Variants in NDST4 observed in about 807,000 individuals in gnomAD.
NDST4 encodes N-heparan sulfate sulfotransferase 4.
Under a neutral mutation model 100.8 loss-of-function variants are expected in NDST4, and 63 were observed. The observed-to-expected ratio is 0.62, with a 90% CI of 0.51 to 0.77. NDST4 has a LOEUF of 0.77. NDST4 is among the 30% of genes least tolerant of loss of function. The pLI is 0.00. For missense variants in NDST4, 943 were observed against 1,018.4 expected, an observed-to-expected ratio of 0.93 and a Z score of 1.01; for synonymous variants, 377 against 361.8, an observed-to-expected ratio of 1.04 and a Z score of -0.48.
chr4:115,113,413 C>T (rs947081172), intron 1 of NDST4, 31 bp downstream of exon 1: 1 of 151,958 alleles, frequency 6.6e-6, no homozygotes, highest in Non-Finnish European at 1.5e-5. Flanking sequence ...TGATACACAC[C>T]TCGATTTCAG....
intron 6 of NDST4, among the ~76,000 whole-genome samples, chr4:114,923,521 A>AC (rs2126219993): frequency 6.6e-6 from 1 of 152,268 alleles, no homozygotes; most frequent in East Asian, 1.9e-4. Flanking sequence ...GAAAGAACAA[A>AC]CCAAAAAAGC....
rs182922964 is a variant in NDST4, at chr4:115,004,267, G to T, written c.979-26993C>A. Among the ~76,000 whole-genome samples the T allele has an allele frequency of 3.4e-3, 516 of 152,246 alleles. 3 individuals are homozygous for T. Among genetic ancestry groups the T allele is most frequent in the Non-Finnish European group, 4.0e-3 (274 of 68,008 alleles). On this transcript the variant is annotated intron_variant, in intron 2 of 13. Transcript: ENST00000264363. ...AATTAATTAGAAGTTTTTTTAGCCTGACAACACTTAATTATTAACACTTAC... is the reference window on the plus strand; with the variant it reads ...AATTAATTAGAAGTTTTTTTAGCCTTACAACACTTAATTATTAACACTTAC...
chr4:114,859,351 T>A (rs530133002), intron 7 of NDST4, among the ~76,000 whole-genome samples: 1 of 152,304 alleles, frequency 6.6e-6, no homozygotes, highest in Non-Finnish European at 1.5e-5. Context: ...GATTTCACCT[T>A]TGGGACCAAA....
intron 11 of NDST4, among the ~76,000 whole-genome samples, chr4:114,837,994 C>G (rs1045086681): frequency 5.9e-5 from 9 of 152,146 alleles, no homozygotes; most frequent in African/African-American, 2.2e-4. Flanking sequence ...ACAACCTCAT[C>G]AAGAAGTAGG....
chr4:115,071,894 A>G (rs1341828169), intron 2 of NDST4, among the ~76,000 whole-genome samples: 1 of 152,194 alleles, frequency 6.6e-6, no homozygotes, highest in Non-Finnish European at 1.5e-5. Flanking sequence ...TAAGTAACAT[A>G]GTAGATAAAT....
chr4:114,931,620 G>A (rs545214978), intron 6 of NDST4, among the ~76,000 whole-genome samples: 4 of 151,698 alleles, frequency 2.6e-5, no homozygotes, highest in Admixed American at 1.3e-4. Context: ...CTAGACTAAG[G>A]GAAAAGGAGA....
chr4:114,883,758 G>A (rs1724421189), intron 6 of NDST4, among the ~76,000 whole-genome samples: 1 of 152,080 alleles, frequency 6.6e-6, no homozygotes. Flanking sequence ...AGAGTAGGGG[G>A]AAGTAGGGAA....
At chr4:115,064,400 A>G (rs1433397598) in intron 2 of NDST4, among the ~76,000 whole-genome samples, 4 of 152,034 alleles carry the variant, frequency 2.6e-5, no homozygotes, top group Non-Finnish European at 5.9e-5. Flanking sequence ...CTTAACCCCT[A>G]TACAACACCC....
At chr4:114,959,504 G>T (rs1388927830) in intron 4 of NDST4, among the ~76,000 whole-genome samples, 1 of 152,106 alleles carries the variant, frequency 6.6e-6, no homozygotes, top group Non-Finnish European at 1.5e-5. Flanking sequence ...AGGCAATAGG[G>T]CATATGAGAC....
At chr4:115,099,357 A>G (rs971882298) in intron 1 of NDST4, among the ~76,000 whole-genome samples, 1 of 152,148 alleles carries the variant, frequency 6.6e-6, no homozygotes, top group African/African-American at 2.4e-5. Context: ...GGTGGCAGAC[A>G]CTCTGAAGAG....
chr4:115,037,586 T>C (rs1056806873), intron 2 of NDST4, among the ~76,000 whole-genome samples: 3 of 152,144 alleles, frequency 2.0e-5, no homozygotes, highest in Non-Finnish European at 4.4e-5. Flanking sequence ...TTCCAGAATA[T>C]TCTCTGTGAT....
intron 6 of NDST4, among the ~76,000 whole-genome samples, chr4:114,911,463 A>G (rs190720572): frequency 2.6e-5 from 4 of 152,294 alleles, no homozygotes; most frequent in Admixed American, 2.6e-4. Context: ...TGACAAAAAT[A>G]ACTCTATTTC....
At chr4:114,836,296 A>C (rs1723303974) in intron 11 of NDST4, among the ~76,000 whole-genome samples, 1 of 152,126 alleles carries the variant, frequency 6.6e-6, no homozygotes, top group South Asian at 2.1e-4. Flanking sequence ...AGCTCTTGTA[A>C]GGCAGGCCTG....
intron 2 of NDST4, among the ~76,000 whole-genome samples, chr4:115,052,504 G>A (rs746529849): frequency 1.2e-4 from 18 of 152,118 alleles, no homozygotes; most frequent in Non-Finnish European, 2.1e-4. Flanking sequence ...ACTGAATCAT[G>A]GGGGCGAGTC....
At chr4:114,980,900 A>T (rs1201723927) in intron 2 of NDST4, among the ~76,000 whole-genome samples, 1 of 152,162 alleles carries the variant, frequency 6.6e-6, no homozygotes, top group Non-Finnish European at 1.5e-5. Flanking sequence ...GTCTCCTAAT[A>T]AATTTCTTAG....
chr4:114,939,080 T>C (rs949164202), intron 4 of NDST4, among the ~76,000 whole-genome samples: 4 of 152,212 alleles, frequency 2.6e-5, no homozygotes, highest in Non-Finnish European at 5.9e-5. Flanking sequence ...GTTACCCTGA[T>C]ATCACTAGGG....
At chr4:115,054,303 T>C (rs1728647841) in intron 2 of NDST4, among the ~76,000 whole-genome samples, 1 of 152,064 alleles carries the variant, frequency 6.6e-6, no homozygotes, top group Non-Finnish European at 1.5e-5. Flanking sequence ...TCAGTTTAAC[T>C]AAATAAGGAA....
At chr4:114,863,059 G>T (rs1014436046) in intron 7 of NDST4, among the ~76,000 whole-genome samples, 1 of 151,984 alleles carries the variant, frequency 6.6e-6, no homozygotes, top group African/African-American at 2.4e-5. Flanking sequence ...CTTTATTAAC[G>T]GATGTTTGTA....
At chr4:114,863,301 T>A (rs759757396) in intron 7 of NDST4, among the ~76,000 whole-genome samples, 1 of 152,250 alleles carries the variant, frequency 6.6e-6, no homozygotes, top group Non-Finnish European at 1.5e-5. Flanking sequence ...CAAGGTGTTT[T>A]ATTTAGGCCC....
Sources: gnomAD v4.1 joint callset for allele counts (sites outside exome capture counted in the v4.1 genomes callset) on GRCh38, gnomAD v4.1.1 for gene constraint, MANE v1.5 for transcripts, NCBI Gene and HGNC (gene_info 2026-07-23, HGNC 2026-07-21) for gene names.